NFKBID: variants seen among roughly 807,000 people sequenced by gnomAD.
NFKBID encodes the protein NFKB inhibitor delta, also known as NF-kappa-B inhibitor delta.
A neutral mutation model predicts 53.4 loss-of-function variants in NFKBID; 26 were observed. The ratio of observed to expected loss-of-function variants is 0.49; its 90% CI spans 0.36 to 0.68. The LOEUF is 0.68. NFKBID is among the 30% of genes least tolerant of loss of function. The probability of loss-of-function intolerance (pLI) is 0.00; values close to 1 mark genes in which losing one functional copy is unlikely to be tolerated. For synonymous variants in NFKBID, 262 were observed against 259.8 expected (o/e 1.01, Z -0.08); for missense variants, 493 against 614.1 (o/e 0.80, Z 2.08).
chr19:35,897,480 G>T, intron 4 of NFKBID, 171 bp downstream of exon 4: 1 of 657,480 alleles, frequency 1.5e-6, no homozygotes. Flanking sequence ...CTGACCTCAA[G>T]TGATCCGCCT....
upstream of NFKBID, among the ~76,000 whole-genome samples, chr19:35,901,320 T>G (rs548506066): frequency 2.6e-5 from 4 of 152,094 alleles, no homozygotes; most frequent in Non-Finnish European, 5.9e-5. Flanking sequence ...GGTAAGGGTA[T>G]AGGGTGTGGC....
At position 35,896,883 on chromosome 19, in the gene NFKBID, T is replaced by C; in HGVS notation, c.578+30A>G. 6.2e-7 allele frequency: 1 copy of C among 1,612,708 alleles called. No homozygotes were observed. Among genetic ancestry groups the C allele is most frequent in the Non-Finnish European group, 8.5e-7 (1 of 1,179,482 alleles). The stretch of plus-strand genomic sequence containing the variant: ...AGAACAGCCCCCACCAAGCCAAGAG[T>C]CTGCAGACAACCCTATCCCTTATAC... On this transcript the variant is annotated intron_variant, in intron 5 of 11. Coordinates refer to ENST00000641389, the Ensembl canonical transcript of NFKBID. This position sits in a 1 kb window ranked among gnomAD's most constrained non-coding sequence, Gnocchi z 5.7.
chr19:35,888,667 G>A, intron 11 of NFKBID, 55 bp from the exon 12 acceptor site: 1 of 1,373,836 alleles, frequency 7.3e-7, no homozygotes, highest in Non-Finnish European at 1.0e-6. Context: ...GGAGAGGTGG[G>A]GAAGGCACGC....
intron 9 of NFKBID, chr19:35,890,762 G>T (rs903300482): frequency 4.4e-5 from 19 of 431,020 alleles, no homozygotes; most frequent in Non-Finnish European, 7.6e-5. Flanking sequence ...TGCTTGGGAG[G>T]CTGAGGCAGG....
At chr19:35,901,747 T>C (rs1248078893), upstream of NFKBID, 3 of 169,318 alleles carry the variant, frequency 1.8e-5, no homozygotes, top group East Asian at 1.8e-4. Flanking sequence ...AATTTTTGTA[T>C]TTTTGTAGAG....
At chr19:35,891,686 T>C (rs1197764734) in intron 9 of NFKBID, among the ~76,000 whole-genome samples, 1 of 151,966 alleles carries the variant, frequency 6.6e-6, no homozygotes, top group Non-Finnish European at 1.5e-5. Context: ...CTGGCCAACA[T>C]GGTGAAACCG....
In NFKBID at chr19:35,896,100, C is replaced by A. The variant is rs1020468128; in HGVS notation, c.912G>T (p.Leu304=). The stretch of plus-strand genomic sequence containing the variant: ...AAGGGCGCATAGCAACGTTAAGGGC[C>A]AGGATGGCCGTGTGGAGCGGGGTGA... The change falls in exon 9 of 12, where the codon CTG becomes CTT. Residue 304 remains leucine, a synonymous_variant. Transcript: ENST00000641389. This position sits in a 1 kb window ranked among gnomAD's most constrained non-coding sequence, Gnocchi z 5.7. The A allele has an allele frequency of 3.1e-6, 5 of 1,614,216 alleles. No homozygotes were observed.
chr19:35,897,366 T>G, intron 4 of NFKBID: 1 of 545,008 alleles, frequency 1.8e-6, no homozygotes, highest in Non-Finnish European at 3.2e-6. Context: ...GCAATTCCCC[T>G]GCCTCAGCCT....
At position 35,898,659 on chromosome 19, in the gene NFKBID, C is replaced by A. The variant is rs1053848635; in HGVS notation, c.165+60G>T. The A allele has an allele frequency of 2.7e-6, 4 of 1,472,120 alleles. No individual in the cohort carries two copies. In the African/African-American group the frequency reaches 4.4e-5, roughly 16 times the overall value. 91.2% of individuals were successfully genotyped at this position (1,472,120 alleles called of 1,614,324 possible). On this transcript the variant is annotated intron_variant, in intron 2 of 11. Transcript: ENST00000641389. ...TCATCAGCCCCGAGGGCCCGGCAAG[C>A]CGCTGAGTCCCTACGGGACAGCACG...
upstream of NFKBID, chr19:35,900,675 G>T: frequency 1.6e-6 from 2 of 1,222,766 alleles, no homozygotes; most frequent in Non-Finnish European, 1.0e-6. Context: ...GGGCGCGGCG[G>T]ACTTGGGAGG....
At position 35,896,874 on chromosome 19, in the gene NFKBID, A is replaced by G. The variant is rs1334891804; in HGVS notation, c.578+39T>C. ...ACAGCCGTGAGAACAGCCCCCACCA[A>G]GCCAAGAGTCTGCAGACAACCCTAT... On this transcript the variant is annotated intron_variant, in intron 5 of 11. Coordinates refer to ENST00000641389, the Ensembl canonical transcript of NFKBID. This position sits in a 1 kb window ranked among gnomAD's most constrained non-coding sequence, Gnocchi z 5.7. 2 of 1,613,756 alleles carry G rather than the reference A, an allele frequency of 1.2e-6. No individual in the cohort carries two copies. The highest frequency in any genetic ancestry group is 1.3e-5 in the African/African-American group (1 of 74,914).
At position 35,896,636 on chromosome 19, in the gene NFKBID, C is replaced by G. The variant is rs1209536796; in HGVS notation, c.684+90G>C. The G allele has an allele frequency of 6.6e-6, 10 of 1,523,298 alleles. No homozygotes were observed. Among genetic ancestry groups the G allele is most frequent in the Non-Finnish European group, 9.0e-6 (10 of 1,107,926 alleles). The allele number at this position is 1,523,298 out of a possible 1,614,324, so 94.4% of individuals were successfully genotyped here. On this transcript the variant is annotated intron_variant, in intron 6 of 11. Coordinates refer to ENST00000641389, the Ensembl canonical transcript of NFKBID. The surrounding 1 kb of genome is among the most constrained non-coding windows in gnomAD (Gnocchi z 5.7). Reference sequence around the variant, plus strand: ...CCCCCCTCAGCCCCAGGAGCTCACCCCCCATTCCCCTCTTCTCTAGGATCC... The same window carrying G: ...CCCCCCTCAGCCCCAGGAGCTCACCGCCCATTCCCCTCTTCTCTAGGATCC...
At chr19:35,888,590 C>T (rs1253707272) in exon 12 of NFKBID, 1 of 1,572,806 alleles carries the variant, frequency 6.4e-7, no homozygotes, top group Non-Finnish European at 8.6e-7. Flanking sequence ...CGCCACACGG[C>T]TCCTCTTCAA....
At chr19:35,897,113 G>A in intron 4 of NFKBID, 55 bp from the exon 5 acceptor site, 1 of 1,562,996 alleles carries the variant, frequency 6.4e-7, no homozygotes, top group Middle Eastern at 1.7e-4. Flanking sequence ...CCTGGAGGGT[G>A]CAGGTGGTGG....
At chr19:35,901,688 C>CATTAAAAAAT, upstream of NFKBID, 1 of 156,254 alleles carries the variant, frequency 6.4e-6, no homozygotes, top group Non-Finnish European at 1.4e-5. Context: ...CCACTTGCCT[C>CATTAAAAAAT]AGTCTCCCAA....
chr19:35,890,051 G>T, exon 11 of NFKBID: 4 of 1,599,254 alleles, frequency 2.5e-6, no homozygotes, highest in Non-Finnish European at 3.4e-6. Flanking sequence ...GTGTTCCCGT[G>T]GGCCTGGAAA....
At position 35,896,155 on chromosome 19, in the gene NFKBID, C is replaced by T. The variant is rs754948849; in HGVS notation, c.884-27G>A. 9.3e-6 allele frequency: 15 copies of T among 1,613,866 alleles called. No individual in the cohort carries two copies. The highest frequency in any genetic ancestry group is 2.7e-5 in the African/African-American group (2 of 75,074). On this transcript the variant is annotated intron_variant, in intron 8 of 11. Transcript: ENST00000641389. The surrounding 1 kb of genome is among the most constrained non-coding windows in gnomAD (Gnocchi z 5.7). ...TGCAGAATGGAGACAGTGAGGGACC[C>T]GCATCTGCACCCACCTCGCCCAGCC...
chr19:35,889,487 T>A (rs543694022), intron 11 of NFKBID, among the ~76,000 whole-genome samples: 4 of 148,844 alleles, frequency 2.7e-5, no homozygotes, highest in African/African-American at 1.0e-4. Context: ...TGGCTGGGGG[T>A]TCCCACCTGG....
chr19:35,892,539 A>G lies in NFKBID; in HGVS notation c.1033-2049T>C, dbSNP rs540756211. Reference sequence around the variant, plus strand: ...AACCTGGGCGACAGAGCGAGACTCCATCTCAAAAAAAAAAAAAAAATTATT... The same window carrying G: ...AACCTGGGCGACAGAGCGAGACTCCGTCTCAAAAAAAAAAAAAAAATTATT... On this transcript the variant is annotated intron_variant, in intron 9 of 11. Coordinates refer to ENST00000641389, the Ensembl canonical transcript of NFKBID. Among the ~76,000 whole-genome samples the G allele has an allele frequency of 3.3e-3, 493 of 149,258 alleles. 5 individuals carry two copies. The highest frequency in any genetic ancestry group is 0.012 in the African/African-American group (478 of 40,242).
Sources: gnomAD v4.1 joint callset for allele counts (sites outside exome capture counted in the v4.1 genomes callset) on GRCh38, gnomAD v4.1.1 for gene constraint, Gnocchi (gnomAD v3.1) non-coding constraint, MANE v1.5 for transcripts, NCBI Gene and HGNC (gene_info 2026-07-23, HGNC 2026-07-21) for gene names.